The following TCF7L1 variants were observed in gnomAD, a reference collection of about 807,000 sequenced individuals.
The protein encoded by TCF7L1 is transcription factor 7 like 1.
Under a neutral mutation model 63.7 loss-of-function variants are expected in TCF7L1, and 18 were observed. The ratio of observed to expected loss-of-function variants is 0.28; its 90% CI spans 0.20 to 0.42. The LOEUF is 0.42. Among genes scored for constraint, TCF7L1 ranks in the 10% least tolerant of loss-of-function variants. The pLI, the probability that TCF7L1 is intolerant of heterozygous loss-of-function variation, is 1.00. For synonymous variants in TCF7L1, 355 were observed against 340.9 expected (o/e 1.04, Z -0.46); for missense variants, 654 against 779.3 (o/e 0.84, Z 1.91).
rs750002994 is a variant in TCF7L1, at chr2:85,153,340, A to ATGTTTTTTTTTTTTTTTTTTT, written c.441+18891_441+18892insGTTTTTTTTTTTTTTTTTTTT. On this transcript the variant is annotated intron_variant, in intron 3 of 11. Transcript: ENST00000282111. ...TTCATGATCTTGCTAGCCTTTATAA[A>ATGTTTTTTTTTTTTTTTTTTT]TTTTTTTTTTTTTTTTTTTGAGATG... is the stretch of plus-strand genomic sequence containing the variant. Among the ~76,000 whole-genome samples the ATGTTTTTTTTTTTTTTTTTTT allele has an allele frequency of 9.8e-4, 100 of 102,268 alleles. 5 individuals carry two copies. Among genetic ancestry groups the ATGTTTTTTTTTTTTTTTTTTT allele is most frequent in the Admixed American group, 1.7e-3 (14 of 8,382 alleles). The allele number at this position is 102,268 out of a possible 152,430, so 67.1% of individuals were successfully genotyped here.
At chr2:85,202,541 T>G (rs1017155906) in intron 3 of TCF7L1, among the ~76,000 whole-genome samples, 1 of 152,212 alleles carries the variant, frequency 6.6e-6, no homozygotes, top group Admixed American at 6.5e-5. Flanking sequence ...TCATAAAAAA[T>G]ATGTCTTTAA....
chr2:85,171,311 G>T (rs938584789), intron 3 of TCF7L1, among the ~76,000 whole-genome samples: 1 of 152,194 alleles, frequency 6.6e-6, no homozygotes, highest in Non-Finnish European at 1.5e-5. Flanking sequence ...TTTAGGTGGG[G>T]TCAGAGCCAA....
In TCF7L1 at chr2:85,133,934, G is replaced by A; in HGVS notation, c.249+1G>A. On this transcript the variant is annotated splice_donor_variant, in intron 1 of 11. Transcript: ENST00000282111. LOFTEE classifies it high-confidence loss of function. The surrounding 1 kb of genome is among the most constrained non-coding windows in gnomAD (Gnocchi z 4.4). ...CCAGAGCAGCAGCTCGGACTCGGAG[G>A]TAAGGAAGCACCGCGGCCACCCCCG... 1.3e-6 allele frequency: 2 copies of A among 1,540,266 alleles called. No homozygotes were observed. Among genetic ancestry groups the A allele is most frequent in the Non-Finnish European group, 1.8e-6 (2 of 1,139,310 alleles).
chr2:85,234,153 T>TTTTTTTTTTTTTTTTTTC (rs1558641614), intron 3 of TCF7L1, among the ~76,000 whole-genome samples: 1 of 134,332 alleles, frequency 7.4e-6, no homozygotes, highest in Admixed American at 7.4e-5. Context: ...TTTTTTTTTT[T>TTTTTTTTTTTTTTTTTTC]CGAGATGGAG....
At chr2:85,277,265 G>C (rs1331442870) in intron 3 of TCF7L1, among the ~76,000 whole-genome samples, 1 of 152,136 alleles carries the variant, frequency 6.6e-6, no homozygotes, top group African/African-American at 2.4e-5. Flanking sequence ...TGGCAGAATG[G>C]AGACGGGGAG....
chr2:85,170,569 CT>C (rs1678524306), intron 3 of TCF7L1, among the ~76,000 whole-genome samples: 1 of 152,130 alleles, frequency 6.6e-6, no homozygotes, highest in South Asian at 2.1e-4. Flanking sequence ...TATCCAAAGA[CT>C]TCTTCCCTTA....
chr2:85,294,201 T>C (rs1004040825), intron 4 of TCF7L1, among the ~76,000 whole-genome samples: 2 of 151,708 alleles, frequency 1.3e-5, no homozygotes, highest in African/African-American at 4.8e-5. Flanking sequence ...CACGCCCGGC[T>C]AATTTTTTGT....
intron 3 of TCF7L1, among the ~76,000 whole-genome samples, chr2:85,253,639 C>G (rs574911961): frequency 2.6e-5 from 4 of 152,290 alleles, no homozygotes; most frequent in South Asian, 4.1e-4. Flanking sequence ...AGTGTCACAA[C>G]AGAAGAACAG....
intron 3 of TCF7L1, among the ~76,000 whole-genome samples, chr2:85,172,820 CT>C (rs572826038): frequency 4.7e-4 from 71 of 152,302 alleles, no homozygotes; most frequent in African/African-American, 1.6e-3. Context: ...GAGGCCTCCC[CT>C]GACCACCCTA....
intron 3 of TCF7L1, among the ~76,000 whole-genome samples, chr2:85,223,974 T>C (rs184730396): frequency 2.0e-5 from 3 of 152,314 alleles, no homozygotes; most frequent in Admixed American, 6.5e-5. Context: ...TGTGTGATGT[T>C]CCTCTCCCTG....
Position 85,309,646 on chromosome 2 carries a change from A to AAAAAC in TCF7L1, c.*197_*201dup, listed in dbSNP as rs989771911. On this transcript the variant is annotated 3_prime_UTR_variant, in exon 12 of 12. Transcript: ENST00000282111. ...AGTAGCTGATCTTAAGGCTTTTTTAAAAAACAAAACAAAACAACAAAAAAA... is the reference window on the plus strand; with the variant it reads ...AGTAGCTGATCTTAAGGCTTTTTTAAAAAACAAAACAAAACAAAACAACAAAAAAA... 2 of 526,018 alleles carry AAAAAC rather than the reference A, an allele frequency of 3.8e-6. No individual in the cohort carries two copies. The highest frequency in any genetic ancestry group is 2.0e-5 in the African/African-American group (1 of 51,044). The allele number at this position is 526,018 out of a possible 1,614,324, so 32.6% of individuals were successfully genotyped here.
At chr2:85,147,288 G>T (rs113079051) in intron 3 of TCF7L1, among the ~76,000 whole-genome samples, 2 of 152,126 alleles carry the variant, frequency 1.3e-5, no homozygotes, top group Non-Finnish European at 2.9e-5. Context: ...GAAGCTTTTC[G>T]TGGGGGGTCC....
intron 3 of TCF7L1, among the ~76,000 whole-genome samples, chr2:85,177,599 G>A (rs1340604020): frequency 6.6e-6 from 1 of 152,168 alleles, no homozygotes; most frequent in African/African-American, 2.4e-5. Context: ...CAGCTACTCG[G>A]GAGTCCGAGG....
chr2:85,144,725 G>C (rs1416039333), intron 3 of TCF7L1, among the ~76,000 whole-genome samples: 331 of 145,398 alleles, frequency 2.3e-3, no homozygotes, highest in Admixed American at 3.7e-3. Flanking sequence ...CTCTCTGTGT[G>C]TGTGTGTGTG....
chr2:85,139,070 G>A (rs1432188330), intron 3 of TCF7L1, among the ~76,000 whole-genome samples: 1 of 151,598 alleles, frequency 6.6e-6, no homozygotes, highest in Non-Finnish European at 1.5e-5. Flanking sequence ...GTGTAGTGGT[G>A]TGATCTTGGC....
At chr2:85,296,491 G>T (rs1651963664) in intron 4 of TCF7L1, among the ~76,000 whole-genome samples, 2 of 152,158 alleles carry the variant, frequency 1.3e-5, no homozygotes. Context: ...CAACTGTTTG[G>T]ATTAGGTGGT....
chr2:85,212,089 C>CAAAAAAAAAAAA (rs61280306), intron 3 of TCF7L1, among the ~76,000 whole-genome samples: 1 of 69,820 alleles, frequency 1.4e-5, no homozygotes, highest in African/African-American at 4.9e-5. Flanking sequence ...GACTCCATCT[C>CAAAAAAAAAAAA]AAAAAAAAAA....
Position 85,307,686 on chromosome 2 carries a change from A to C in TCF7L1, c.1302A>C (p.Thr434=). 6.2e-7 allele frequency: 1 copy of C among 1,613,850 alleles called. No homozygotes were observed. Among genetic ancestry groups the C allele is most frequent in the Non-Finnish European group, 8.5e-7 (1 of 1,180,008 alleles). ...KRKREKQLSQ[T]QSQQQVQEAE... is the part of the protein sequence containing the mutation. The stretch of plus-strand genomic sequence containing the variant: ...AGAGAGAAAAGCAGCTGTCCCAGAC[A>C]CAGTCACAGCAGCAAGTCCAGGAGG... The change falls in exon 11 of 12, where the codon ACA becomes ACC. Residue 434 remains threonine, a synonymous_variant. Coordinates refer to ENST00000282111, the MANE Select transcript of TCF7L1 (RefSeq NM_031283.3).
chr2:85,222,380 A>G (rs918665984), intron 3 of TCF7L1, among the ~76,000 whole-genome samples: 2 of 149,890 alleles, frequency 1.3e-5, no homozygotes, highest in African/African-American at 2.5e-5. Context: ...AAAAAACACT[A>G]AAGGCTTGGC....
Sources: allele counts gnomAD v4.1 joint callset (sites outside exome capture counted in the v4.1 genomes callset), GRCh38; gene constraint gnomAD v4.1.1; non-coding constraint Gnocchi (gnomAD v3.1); transcripts MANE v1.5; gene names NCBI Gene and HGNC (gene_info 2026-07-23, HGNC 2026-07-21).